FHIT: variants seen among roughly 807,000 people sequenced by gnomAD.
FHIT encodes fragile histidine triad diadenosine triphosphatase.
Under a neutral mutation model 17.9 loss-of-function variants are expected in FHIT, and 19 were observed. The observed-to-expected ratio is 1.06, with a 90% CI of 0.74 to 1.56. FHIT has a LOEUF of 1.56. Ranked by LOEUF, FHIT falls within the 40% of genes most tolerant of loss-of-function variation. The pLI is 0.00. For synonymous variants in FHIT, 81 were observed against 69.7 expected (o/e 1.16, Z -0.81); for missense variants, 248 against 189.2 (o/e 1.31, Z -1.82).
intron 3 of FHIT, among the ~76,000 whole-genome samples, chr3:60,886,683 T>C (rs1302198141): frequency 6.6e-6 from 1 of 152,198 alleles, no homozygotes; most frequent in Non-Finnish European, 1.5e-5. Context: ...CTCATTGTCA[T>C]GAAAAACGGT....
intron 5 of FHIT, among the ~76,000 whole-genome samples, chr3:60,320,869 T>C (rs1307219033): frequency 6.6e-6 from 1 of 152,214 alleles, no homozygotes; most frequent in Non-Finnish European, 1.5e-5. Flanking sequence ...TATCAGCAAA[T>C]ATTGCCTCAA....
intron 5 of FHIT, among the ~76,000 whole-genome samples, chr3:60,196,040 G>A (rs1416998835): frequency 2.0e-5 from 3 of 151,860 alleles, no homozygotes; most frequent in Non-Finnish European, 2.9e-5. Context: ...TTGTTTAAAC[G>A]AAAAAAACTT....
chr3:61,244,114 T>C (rs1459806584), intron 1 of FHIT: 1 of 152,180 alleles, frequency 6.6e-6, no homozygotes, highest in Non-Finnish European at 1.5e-5. Context: ...GTTATTAGAA[T>C]CAGTGGTTTT....
intron 8 of FHIT, among the ~76,000 whole-genome samples, chr3:59,895,876 ATC>A (rs1704047024): frequency 6.6e-6 from 1 of 152,014 alleles, no homozygotes; most frequent in Non-Finnish European, 1.5e-5. Context: ...CTGCACTACA[ATC>A]ATAGCGGTCA....
At chr3:60,567,100 A>T (rs1486200717) in intron 4 of FHIT, among the ~76,000 whole-genome samples, 1 of 141,000 alleles carries the variant, frequency 7.1e-6, no homozygotes, top group African/African-American at 2.6e-5. Flanking sequence ...ACAGAATTGG[A>T]AAAAACTACT....
intron 3 of FHIT, among the ~76,000 whole-genome samples, chr3:60,931,367 A>T (rs1017341250): frequency 1.2e-4 from 19 of 152,182 alleles, no homozygotes; most frequent in South Asian, 4.1e-4. Flanking sequence ...AGTATAATTT[A>T]AAAAAATAAT....
intron 7 of FHIT, among the ~76,000 whole-genome samples, chr3:59,923,711 C>T (rs1705522255): frequency 6.6e-6 from 1 of 152,110 alleles, no homozygotes; most frequent in Non-Finnish European, 1.5e-5. Context: ...AAACCTCATC[C>T]CTGATCACCC....
At chr3:60,900,742 A>G (rs1203718417) in intron 3 of FHIT, among the ~76,000 whole-genome samples, 2 of 152,334 alleles carry the variant, frequency 1.3e-5, no homozygotes, top group East Asian at 1.9e-4. Flanking sequence ...AGAATTCATT[A>G]TAATTTCACT....
intron 7 of FHIT, among the ~76,000 whole-genome samples, chr3:59,996,709 T>C (rs556262709): frequency 6.6e-6 from 1 of 152,198 alleles, no homozygotes; most frequent in East Asian, 1.9e-4. Flanking sequence ...GACATGAGAA[T>C]AGTCAAACAC....
intron 5 of FHIT, among the ~76,000 whole-genome samples, chr3:60,347,677 G>T (rs373958241): frequency 1.1e-5 from 1 of 90,234 alleles, no homozygotes; most frequent in African/African-American, 6.3e-5. Context: ...CACTGGTTTG[G>T]GGGGGGGGGG....
chr3:61,036,901 G>GTTTTTTTGTTTTTTTT (rs2033269047), intron 3 of FHIT, among the ~76,000 whole-genome samples: 2 of 70,324 alleles, frequency 2.8e-5, no homozygotes, highest in South Asian at 1.4e-3. Flanking sequence ...AGTCTGCTTT[G>GTTTTTTTGTTTTTTTT]TTTTTTTTTT....
intron 5 of FHIT, among the ~76,000 whole-genome samples, chr3:60,106,025 A>C (rs1374240341): frequency 3.3e-5 from 5 of 152,186 alleles, no homozygotes; most frequent in Non-Finnish European, 7.3e-5. Flanking sequence ...AGTTCTGAGT[A>C]GTGTGATGAA....
intron 8 of FHIT, among the ~76,000 whole-genome samples, chr3:59,759,963 G>C (rs1050261871): frequency 6.7e-6 from 1 of 148,812 alleles, no homozygotes; most frequent in African/African-American, 2.5e-5. Flanking sequence ...CCTGTGAACT[G>C]GACCTTGGAC....
chr3:60,054,784 C>T (rs947899669), intron 5 of FHIT, among the ~76,000 whole-genome samples: 10 of 152,106 alleles, frequency 6.6e-5, no homozygotes, highest in African/African-American at 2.4e-4. Context: ...GTTGTTTATA[C>T]CTTCAGATCT....
At chr3:61,204,615 C>T (rs187020990) in intron 1 of FHIT, among the ~76,000 whole-genome samples, 1 of 144,230 alleles carries the variant, frequency 6.9e-6, no homozygotes, top group Admixed American at 7.3e-5. Context: ...GTAAGTACAT[C>T]TGTTAAAATT....
intron 9 of FHIT, chr3:59,751,925 G>A: frequency 6.0e-6 from 2 of 332,430 alleles, no homozygotes; most frequent in East Asian, 4.6e-5. Flanking sequence ...GGTCTGCTTT[G>A]TGAACATTGG....
chr3:61,246,747 G>A (rs1187556561), intron 1 of FHIT, among the ~76,000 whole-genome samples: 1 of 152,044 alleles, frequency 6.6e-6, no homozygotes, highest in Non-Finnish European at 1.5e-5. Context: ...CCTAATGCAT[G>A]CAGGGCTTAA....
chr3:60,142,008 C>T (rs1254744913), intron 5 of FHIT, among the ~76,000 whole-genome samples: 1 of 152,062 alleles, frequency 6.6e-6, no homozygotes, highest in Non-Finnish European at 1.5e-5. Flanking sequence ...TTATGACAGA[C>T]ATGGGGGGAT....
chr3:60,829,049 G>T (rs1172335768), intron 3 of FHIT, among the ~76,000 whole-genome samples: 1 of 152,180 alleles, frequency 6.6e-6, no homozygotes, highest in Non-Finnish European at 1.5e-5. Context: ...GGAGTATACA[G>T]CACTTTATCA....
Sources: allele counts gnomAD v4.1 joint callset (sites outside exome capture counted in the v4.1 genomes callset), GRCh38; gene constraint gnomAD v4.1.1; transcripts MANE v1.5; gene names NCBI Gene and HGNC (gene_info 2026-07-23, HGNC 2026-07-21).